The following CACNA1E variants were observed in gnomAD, a reference collection of about 807,000 sequenced individuals.
The protein encoded by CACNA1E is voltage-dependent R-type calcium channel subunit alpha-1E.
In CACNA1E, 40 loss-of-function variants were observed where a neutral mutation model predicts 259.2. The observed-to-expected ratio is 0.15, with a 90% CI of 0.12 to 0.20. The LOEUF is 0.20. CACNA1E is among the 10% of genes least tolerant of loss of function. CACNA1E has a pLI of 1.00. For synonymous variants in CACNA1E, 1,104 were observed against 1,138.5 expected (o/e 0.97, Z 0.61); for missense variants, 1,874 against 3,040.1 (o/e 0.62, Z 9.02).
intron 46 of CACNA1E, 39 bp downstream of exon 46, chr1:181,795,083 G>T: frequency 1.3e-6 from 2 of 1,554,404 alleles, no homozygotes; most frequent in Non-Finnish European, 1.8e-6. Context: ...TCATCAGGCA[G>T]TGGGCTCCTG....
Position 181,784,723 on chromosome 1 carries a change from C to T in CACNA1E, c.5533C>T (p.His1845Tyr). The change falls in exon 41 of 48, where the codon CAC becomes TAC. Residue 1845 changes from histidine to tyrosine, a missense_variant. Coordinates refer to ENST00000367573, the MANE Select transcript of CACNA1E (RefSeq NM_001205293.3). ...AAAGGAGACCCTAGCCATCTGGCCT[C>T]ACCTATCCCAGAAGATGCTGGATCT... ...LQKETLAIWP[H>Y]LSQKMLDLLV... 1 of 1,587,354 alleles carries T rather than the reference C, an allele frequency of 6.3e-7. No individual in the cohort carries two copies. The highest frequency in any genetic ancestry group is 8.6e-7 in the Non-Finnish European group (1 of 1,166,486).
chr1:181,404,489 A>T (rs1453984409), intron 1 of CACNA1E, among the ~76,000 whole-genome samples: 1 of 152,236 alleles, frequency 6.6e-6, no homozygotes, highest in Admixed American at 6.5e-5. Context: ...CAGGTTAATT[A>T]TAACATAATT....
intron 19 of CACNA1E, among the ~76,000 whole-genome samples, chr1:181,731,797 C>T (rs760049928): frequency 2.0e-5 from 3 of 152,064 alleles, no homozygotes; most frequent in Non-Finnish European, 4.4e-5. Context: ...TTAGCCTTCT[C>T]TGGCTTTTAT....
At chr1:181,656,173 T>G (rs1158165003) in intron 7 of CACNA1E, among the ~76,000 whole-genome samples, 1 of 152,218 alleles carries the variant, frequency 6.6e-6, no homozygotes, top group Non-Finnish European at 1.5e-5. Flanking sequence ...TCCTACTTAT[T>G]TTTAAAAAAG....
chr1:181,771,231 T>C (rs1659479815), intron 35 of CACNA1E, 62 bp from the exon 36 acceptor site: 2 of 928,236 alleles, frequency 2.2e-6, no homozygotes, highest in Non-Finnish European at 1.7e-6. Context: ...CCAACCCTCA[T>C]GTGCTGGACA....
intron 8 of CACNA1E, among the ~76,000 whole-genome samples, chr1:181,711,378 C>G (rs1019748177): frequency 3.3e-5 from 5 of 152,276 alleles, no homozygotes; most frequent in Non-Finnish European, 5.9e-5. Context: ...GTTCCTGGTG[C>G]TCACAGCAGT....
chr1:181,687,466 C>A (rs78932195), intron 7 of CACNA1E, among the ~76,000 whole-genome samples: 2 of 152,110 alleles, frequency 1.3e-5, no homozygotes, highest in Non-Finnish European at 2.9e-5. Flanking sequence ...AGGTGTTACA[C>A]GCACAGCTCA....
At chr1:181,639,201 C>A (rs1349642423) in intron 6 of CACNA1E, among the ~76,000 whole-genome samples, 1 of 151,990 alleles carries the variant, frequency 6.6e-6, no homozygotes, top group African/African-American at 2.4e-5. Context: ...CATTCTCCTG[C>A]GTCAGCCTCC....
intron 1 of CACNA1E, among the ~76,000 whole-genome samples, chr1:181,408,590 G>C (rs1239953480): frequency 2.6e-5 from 4 of 152,146 alleles, no homozygotes; most frequent in Admixed American, 6.5e-5. Flanking sequence ...TGGAGGAAGA[G>C]AGCCCTTATT....
intron 6 of CACNA1E, among the ~76,000 whole-genome samples, chr1:181,636,148 A>T (rs778526294): frequency 5.9e-5 from 9 of 152,218 alleles, no homozygotes; most frequent in Non-Finnish European, 7.3e-5. Context: ...AAATAATAAT[A>T]TTAACATCTA....
chr1:181,733,344 G>T, intron 20 of CACNA1E, 93 bp from the exon 21 acceptor site: 1 of 1,153,618 alleles, frequency 8.7e-7, no homozygotes, highest in Non-Finnish European at 1.2e-6. Context: ...CTTCCAGGCT[G>T]CCTGAGCTTC....
chr1:181,698,372 C>A (rs745766979), intron 7 of CACNA1E, among the ~76,000 whole-genome samples: 3 of 152,180 alleles, frequency 2.0e-5, no homozygotes, highest in African/African-American at 7.2e-5. Flanking sequence ...TGTTGAAGAT[C>A]TACCATACTA....
intron 37 of CACNA1E, among the ~76,000 whole-genome samples, chr1:181,773,381 G>GA (rs993694486): frequency 1.3e-5 from 2 of 152,142 alleles, no homozygotes; most frequent in South Asian, 2.1e-4. Flanking sequence ...TAAAATGGGA[G>GA]AAAAAAATGA....
intron 1 of CACNA1E, among the ~76,000 whole-genome samples, chr1:181,364,404 A>T (rs1045710234): frequency 6.6e-6 from 1 of 152,138 alleles, no homozygotes; most frequent in Non-Finnish European, 1.5e-5. Flanking sequence ...CCGATTCATC[A>T]TGAGTGGGTC....
intron 18 of CACNA1E, among the ~76,000 whole-genome samples, chr1:181,729,217 C>T (rs1655229917): frequency 1.4e-5 from 2 of 139,632 alleles, no homozygotes; most frequent in African/African-American, 5.4e-5. Context: ...GTGTGTGTGC[C>T]CTGCTCAGCT....
chr1:181,551,793 G>C (rs1204617835), intron 3 of CACNA1E, among the ~76,000 whole-genome samples: 3 of 151,910 alleles, frequency 2.0e-5, no homozygotes, highest in Non-Finnish European at 2.9e-5. Context: ...CTCACTACCG[G>C]GCAAGGCACA....
intron 3 of CACNA1E, among the ~76,000 whole-genome samples, chr1:181,567,672 G>A (rs561855572): frequency 6.2e-4 from 94 of 152,312 alleles, no homozygotes; most frequent in African/African-American, 2.2e-3. Context: ...GAAAAGCACA[G>A]CAAAACCTTT....
intron 2 of CACNA1E, among the ~76,000 whole-genome samples, chr1:181,429,840 T>C (rs1257880029): frequency 6.6e-6 from 1 of 152,206 alleles, no homozygotes; most frequent in Admixed American, 6.5e-5. Context: ...TAGGTGAAGT[T>C]TTAACAGGAA....
chr1:181,643,140 T>C (rs1657951516), intron 6 of CACNA1E, among the ~76,000 whole-genome samples: 1 of 152,166 alleles, frequency 6.6e-6, no homozygotes, highest in Non-Finnish European at 1.5e-5. Flanking sequence ...CTAAAACTTT[T>C]ATTATAGAGA....
Sources: allele counts gnomAD v4.1 joint callset (sites outside exome capture counted in the v4.1 genomes callset), GRCh38; gene constraint gnomAD v4.1.1; transcripts MANE v1.5; gene names NCBI Gene and HGNC (gene_info 2026-07-23, HGNC 2026-07-21).